The following KCNT2 variants were observed in gnomAD, a reference collection of about 807,000 sequenced individuals.
The protein encoded by KCNT2 is potassium sodium-activated channel subfamily T member 2, also known as potassium channel subfamily T member 2.
In KCNT2, 67 loss-of-function variants were observed where a neutral mutation model predicts 153.8. The ratio of observed to expected loss-of-function variants is 0.44; its 90% CI spans 0.36 to 0.53. The LOEUF is 0.53. Among genes scored for constraint, KCNT2 ranks in the 20% least tolerant of loss-of-function variants. The probability of loss-of-function intolerance (pLI) is 0.00; values close to 1 mark genes in which losing one functional copy is unlikely to be tolerated. For synonymous variants in KCNT2, 500 were observed against 458.8 expected (o/e 1.09, Z -1.15); for missense variants, 975 against 1,354.8 (o/e 0.72, Z 4.40).
intron 25 of KCNT2, among the ~76,000 whole-genome samples, chr1:196,266,957 T>C (rs1451301002): frequency 6.6e-6 from 1 of 152,210 alleles, no homozygotes; most frequent in Admixed American, 6.5e-5. Flanking sequence ...CCCACAAAAA[T>C]GCTCCTGCTG....
intron 14 of KCNT2, among the ~76,000 whole-genome samples, chr1:196,362,058 A>G (rs917430696): frequency 6.6e-6 from 1 of 152,060 alleles, no homozygotes; most frequent in African/African-American, 2.4e-5. Context: ...ACAGTTTTTG[A>G]GTGTGAAACT....
intron 26 of KCNT2, among the ~76,000 whole-genome samples, chr1:196,238,796 G>C (rs1654682831): frequency 6.6e-6 from 1 of 151,868 alleles, no homozygotes; most frequent in Non-Finnish European, 1.5e-5. Context: ...AAACCTGCAT[G>C]CTGTGTACAT....
In KCNT2 at chr1:196,258,278, G is replaced by T; in HGVS notation, c.3127C>A (p.Leu1043Ile). The T allele has an allele frequency of 1.2e-6, 2 of 1,614,042 alleles. No individual in the cohort carries two copies. Among genetic ancestry groups the T allele is most frequent in the Non-Finnish European group, 1.7e-6 (2 of 1,179,974 alleles). ...AEKITQQRLNLYRRSERQELA... is the reference protein window; with the variant it reads ...AEKITQQRLNIYRRSERQELA... ...TCTTGTCTTTCTGACCTCCTGTAGA[G>T]GTTCAGTCGCTGCTGGGTTATTTTT... is the stretch of plus-strand genomic sequence containing the variant. Residue 1043 changes from leucine to isoleucine, a missense_variant, in exon 26 of 28, where the codon CTC (leucine) becomes ATC (isoleucine). Around this residue, in one of 6 missense-constraint regions of KCNT2, gnomAD observed 241 missense variants for 271.1 expected, o/e 0.89. Transcript: ENST00000294725.
At position 196,576,245 on chromosome 1, in the gene KCNT2, A is replaced by T. The variant is rs144072609; in HGVS notation, c.95+31970T>A. Among the ~76,000 whole-genome samples the T allele has an allele frequency of 3.3e-3, 509 of 152,216 alleles. 2 individuals are homozygous for T. Among genetic ancestry groups the T allele is most frequent in the African/African-American group, 0.012 (484 of 41,554 alleles). Reference sequence around the variant, plus strand: ...AACATAAAAAGAGTAATATAAACACAGATATATCAGAAACAAAAGCCAGTT... The same window carrying T: ...AACATAAAAAGAGTAATATAAACACTGATATATCAGAAACAAAAGCCAGTT... On this transcript the variant is annotated intron_variant, in intron 1 of 27. Coordinates refer to ENST00000294725, the MANE Select transcript of KCNT2 (RefSeq NM_198503.5).
intron 1 of KCNT2, among the ~76,000 whole-genome samples, chr1:196,502,480 TTACATA>T (rs1301160186): frequency 1.9e-4 from 29 of 152,334 alleles, no homozygotes; most frequent in African/African-American, 6.7e-4. Context: ...TTTATATATG[TTACATA>T]TACATATACA....
rs553057058 is a variant in KCNT2, at chr1:196,509,788, G to GACAATGATGAGAGTGTGCC, written c.96-17466_96-17448dup. 4.9e-3 allele frequency among the ~76,000 whole-genome samples: 753 copies of GACAATGATGAGAGTGTGCC among 152,246 alleles called. 4 individuals are homozygous for GACAATGATGAGAGTGTGCC. The highest frequency in any genetic ancestry group is 8.0e-3 in the Non-Finnish European group (544 of 68,008). On this transcript the variant is annotated intron_variant, in intron 1 of 27. Coordinates refer to ENST00000294725, the MANE Select transcript of KCNT2 (RefSeq NM_198503.5). ...GAAATAAATTAAAGTCTATCCATAT[G>GACAATGATGAGAGTGTGCC]ACAATGATGAGAGTGTGCCACAAAC...
intron 14 of KCNT2, among the ~76,000 whole-genome samples, chr1:196,354,281 C>T (rs2148234605): frequency 6.6e-6 from 1 of 151,716 alleles, no homozygotes; most frequent in East Asian, 1.9e-4. Flanking sequence ...CACTGTAATC[C>T]TTGGATTTAG....
intron 1 of KCNT2, among the ~76,000 whole-genome samples, chr1:196,498,509 G>C (rs1680430222): frequency 6.6e-6 from 1 of 152,082 alleles, no homozygotes; most frequent in Non-Finnish European, 1.5e-5. Context: ...TCTCAAACAA[G>C]GGATTATCTG....
At chr1:196,466,928 A>G (rs1677671562) in intron 7 of KCNT2, among the ~76,000 whole-genome samples, 1 of 151,970 alleles carries the variant, frequency 6.6e-6, no homozygotes, top group Admixed American at 6.6e-5. Flanking sequence ...CAACTGGGGC[A>G]CAGCTCTGAG....
intron 25 of KCNT2, among the ~76,000 whole-genome samples, chr1:196,260,664 C>T (rs1423014609): frequency 1.3e-5 from 2 of 151,744 alleles, no homozygotes; most frequent in Non-Finnish European, 3.0e-5. Context: ...ACATCAATTG[C>T]TCTTTACATG....
chr1:196,347,505 T>C (rs771056296), intron 14 of KCNT2, among the ~76,000 whole-genome samples: 4 of 152,192 alleles, frequency 2.6e-5, no homozygotes, highest in Non-Finnish European at 4.4e-5. Context: ...CCTAACTCAC[T>C]TCCTTGTTTC....
chr1:196,332,327 G>A (rs550259036), intron 17 of KCNT2, among the ~76,000 whole-genome samples: 11 of 152,024 alleles, frequency 7.2e-5, no homozygotes, highest in Non-Finnish European at 1.2e-4. Context: ...AATTTCAGTC[G>A]CACTCCAAAA....
chr1:196,233,702 A>T (rs1393542306), intron 27 of KCNT2, among the ~76,000 whole-genome samples: 1 of 151,548 alleles, frequency 6.6e-6, no homozygotes, highest in Non-Finnish European at 1.5e-5. Context: ...AATACCATTC[A>T]TCCATAAAAA....
intron 1 of KCNT2, among the ~76,000 whole-genome samples, chr1:196,525,417 T>C (rs4388642): frequency 0.22 from 33,729 of 152,128 alleles, 4,755 homozygotes; most frequent in Non-Finnish European, 0.3. Flanking sequence ...ACATGTAACG[T>C]TGAGTTTCTG....
At chr1:196,577,935 C>T (rs1661562031) in intron 1 of KCNT2, among the ~76,000 whole-genome samples, 1 of 152,094 alleles carries the variant, frequency 6.6e-6, no homozygotes, top group African/African-American at 2.4e-5. Context: ...AATACACTAA[C>T]ATTTTAAACT....
chr1:196,494,179 A>G (rs938260855), intron 1 of KCNT2, among the ~76,000 whole-genome samples: 3 of 152,214 alleles, frequency 2.0e-5, no homozygotes, highest in East Asian at 3.8e-4. Flanking sequence ...ATGAAAAGTC[A>G]GTTCATTTTA....
chr1:196,348,495 G>C (rs946310888), intron 14 of KCNT2, among the ~76,000 whole-genome samples: 1 of 152,048 alleles, frequency 6.6e-6, no homozygotes, highest in African/African-American at 2.4e-5. Flanking sequence ...AGTATAATCT[G>C]TTATCTACTT....
chr1:196,573,785 G>A (rs756462191), intron 1 of KCNT2, among the ~76,000 whole-genome samples: 2 of 152,000 alleles, frequency 1.3e-5, no homozygotes, highest in Admixed American at 1.3e-4. Context: ...ATGCTTAATG[G>A]AAGAGATATA....
chr1:196,369,125 A>G (rs1317945403), intron 14 of KCNT2, among the ~76,000 whole-genome samples: 1 of 152,100 alleles, frequency 6.6e-6, no homozygotes, highest in Non-Finnish European at 1.5e-5. Flanking sequence ...GGACTAATTA[A>G]GTATTGTGAA....
Sources: allele counts gnomAD v4.1 joint callset (sites outside exome capture counted in the v4.1 genomes callset), GRCh38; gene constraint gnomAD v4.1.1; regional missense constraint gnomAD v4.1.1; transcripts MANE v1.5; gene names NCBI Gene and HGNC (gene_info 2026-07-23, HGNC 2026-07-21).